FANCL: variants seen among roughly 807,000 people sequenced by gnomAD.
The protein encoded by FANCL is E3 ubiquitin-protein ligase FANCL.
A neutral mutation model predicts 59.4 loss-of-function variants in FANCL; 69 were observed. The observed-to-expected ratio is 1.16, with a 90% CI of 0.96 to 1.42. The LOEUF is 1.42. FANCL is among the 40% of genes most tolerant of loss of function. FANCL has a pLI of 0.00. For synonymous variants in FANCL, 180 were observed against 147.1 expected (o/e 1.22, Z -1.62); for missense variants, 519 against 447.2 (o/e 1.16, Z -1.45).
intron 7 of FANCL, among the ~76,000 whole-genome samples, chr2:58,182,196 T>C (rs999000363): frequency 6.6e-6 from 1 of 151,852 alleles, no homozygotes; most frequent in Admixed American, 6.6e-5. Context: ...TTTTCCACAA[T>C]GAAAATCGTA....
chr2:58,160,270 A>G (rs1684930404), intron 12 of FANCL, 91 bp from the exon 13 acceptor site: 2 of 1,312,672 alleles, frequency 1.5e-6, no homozygotes, highest in South Asian at 1.2e-5. Context: ...TAAGTGCATT[A>G]TGTTTTTATT....
At chr2:58,181,291 T>C (rs1360060575) in intron 7 of FANCL, among the ~76,000 whole-genome samples, 1 of 152,052 alleles carries the variant, frequency 6.6e-6, no homozygotes, top group Non-Finnish European at 1.5e-5. Context: ...AAAATAAGCC[T>C]ATGTAGGAAA....
At chr2:58,185,925 A>G (rs564753728) in intron 7 of FANCL, among the ~76,000 whole-genome samples, 11 of 152,266 alleles carry the variant, frequency 7.2e-5, no homozygotes, top group African/African-American at 2.6e-4. Flanking sequence ...TTTAAAAAAC[A>G]TATTAGTACC....
chr2:58,177,200 A>G (rs1337267892), intron 7 of FANCL, among the ~76,000 whole-genome samples: 1 of 152,194 alleles, frequency 6.6e-6, no homozygotes, highest in Admixed American at 6.5e-5. Flanking sequence ...AAACTAGTTC[A>G]ACCCTTGTGG....
At position 58,223,352 on chromosome 2, in the gene FANCL, T is replaced by C. The variant is rs532054843; in HGVS notation, c.274-1310A>G. On this transcript the variant is annotated intron_variant, in intron 4 of 13. Transcript: ENST00000233741. Reference sequence around the variant, plus strand: ...TAATACTATGAAGATTGTGCTCTACTAGTTATTAAATAAAATGCATTAATA... The same window carrying C: ...TAATACTATGAAGATTGTGCTCTACCAGTTATTAAATAAAATGCATTAATA... Among the ~76,000 whole-genome samples, 4 of 152,122 alleles carry C rather than the reference T, an allele frequency of 2.6e-5. No individual in the cohort carries two copies. In the South Asian group the frequency reaches 8.3e-4, roughly 31 times the overall value.
intron 1 of FANCL, among the ~76,000 whole-genome samples, chr2:58,232,419 T>C (rs777834284): frequency 1.3e-5 from 2 of 151,976 alleles, no homozygotes; most frequent in Admixed American, 6.6e-5. Flanking sequence ...ACCAGGCCCA[T>C]AGAAGAAATT....
At chr2:58,186,732 T>G (rs1180223756) in intron 7 of FANCL, among the ~76,000 whole-genome samples, 1 of 152,150 alleles carries the variant, frequency 6.6e-6, no homozygotes, top group Non-Finnish European at 1.5e-5. Flanking sequence ...CTTACAGCAT[T>G]AGAAAATCCC....
chr2:58,225,600 C>A (rs1358763677), intron 4 of FANCL, among the ~76,000 whole-genome samples: 1 of 151,906 alleles, frequency 6.6e-6, no homozygotes, highest in Non-Finnish European at 1.5e-5. Context: ...CCATCAGATA[C>A]CACGTGGATC....
At chr2:58,224,720 A>G (rs527603905) in intron 4 of FANCL, among the ~76,000 whole-genome samples, 4 of 152,028 alleles carry the variant, frequency 2.6e-5, no homozygotes, top group Non-Finnish European at 4.4e-5. Flanking sequence ...CAGGAAAAGC[A>G]TAAGTGAAAT....
At chr2:58,192,202 G>A (rs114975892) in intron 7 of FANCL, among the ~76,000 whole-genome samples, 2 of 151,818 alleles carry the variant, frequency 1.3e-5, no homozygotes, top group Non-Finnish European at 2.9e-5. Flanking sequence ...CATTCCACAA[G>A]TATCTCATGT....
intron 1 of FANCL, among the ~76,000 whole-genome samples, chr2:58,233,964 C>A (rs1693799476): frequency 6.6e-6 from 1 of 151,966 alleles, no homozygotes; most frequent in Non-Finnish European, 1.5e-5. Context: ...AAAAACAACT[C>A]CTTCCCACCC....
intron 3 of FANCL, among the ~76,000 whole-genome samples, chr2:58,227,532 A>G (rs1322669549): frequency 1.3e-5 from 2 of 152,244 alleles, no homozygotes; most frequent in African/African-American, 4.8e-5. Flanking sequence ...ACTCCACGTC[A>G]TTCTGCCGGT....
intron 1 of FANCL, among the ~76,000 whole-genome samples, 165 bp downstream of exon 1, chr2:58,241,053 G>C (rs1197613493): frequency 1.3e-5 from 2 of 152,188 alleles, no homozygotes; most frequent in African/African-American, 2.4e-5. Flanking sequence ...GGGTGGCGGC[G>C]ACAGCGGCGC....
chr2:58,223,784 C>T (rs921431175), intron 4 of FANCL, among the ~76,000 whole-genome samples: 12 of 151,900 alleles, frequency 7.9e-5, no homozygotes, highest in Non-Finnish European at 1.5e-4. Flanking sequence ...TAAATATATA[C>T]TGAACTCCCA....
At chr2:58,166,443 T>G (rs148905152) in intron 7 of FANCL, among the ~76,000 whole-genome samples, 28 of 152,222 alleles carry the variant, frequency 1.8e-4, no homozygotes, top group African/African-American at 6.8e-4. Flanking sequence ...CACATTTAAC[T>G]TTTAGCCAAT....
chr2:58,222,158 T>C (rs544812031), intron 4 of FANCL, 116 bp from the exon 5 acceptor site: 139 of 721,554 alleles, frequency 1.9e-4, no homozygotes, highest in African/African-American at 1.8e-3. Context: ...AGTGCCTGTT[T>C]TTTTACGGAA....
intron 4 of FANCL, among the ~76,000 whole-genome samples, chr2:58,222,246 T>C (rs1461868709): frequency 6.6e-6 from 1 of 152,078 alleles, no homozygotes; most frequent in Non-Finnish European, 1.5e-5. Context: ...TCATGCAAAA[T>C]GTCAATTTTT....
chr2:58,181,995 C>T (rs1348233092), intron 7 of FANCL, among the ~76,000 whole-genome samples: 3 of 151,590 alleles, frequency 2.0e-5, no homozygotes, highest in Admixed American at 6.6e-5. Context: ...CACACAAATA[C>T]GTCTTCTCAG....
Position 58,159,557 on chromosome 2 carries a change from TAG to T in FANCL, c.*206_*207del, listed in dbSNP as rs770602555. The T allele has an allele frequency of 6.2e-7, 1 of 1,613,720 alleles. No individual in the cohort carries two copies. The highest frequency in any genetic ancestry group is 1.3e-5 in the African/African-American group (1 of 74,896). ...ACAGTCAGCACGGGGATCACAGACT[TAG>T]AAAGTTCAACTGGACTTTGGCCTAC... On this transcript the variant is annotated 3_prime_UTR_variant, in exon 14 of 14. Transcript: ENST00000233741.
Sources: gnomAD v4.1 joint callset for allele counts (sites outside exome capture counted in the v4.1 genomes callset) on GRCh38, gnomAD v4.1.1 for gene constraint, MANE v1.5 for transcripts, NCBI Gene and HGNC (gene_info 2026-07-23, HGNC 2026-07-21) for gene names.